Variants in NCAPH observed in about 807,000 individuals in gnomAD.
NCAPH encodes non-SMC condensin I complex subunit H, also known as condensin complex subunit 2.
In NCAPH, 38 loss-of-function variants were observed where a neutral mutation model predicts 85.5. The ratio of observed to expected loss-of-function variants is 0.44; its 90% confidence interval spans 0.34 to 0.58. The LOEUF is 0.58. Among genes scored for constraint, NCAPH ranks in the 20% least tolerant of loss-of-function variants. The pLI is 0.01. For synonymous variants in NCAPH, 301 were observed against 335.1 expected, an observed-to-expected ratio of 0.90 and a Z score of 1.11; for missense variants, 789 against 916.6, an observed-to-expected ratio of 0.86 and a Z score of 1.80.
chr2:96,336,653 C>T (rs1239932708), intron 1 of NCAPH, among the ~76,000 whole-genome samples: 3 of 152,172 alleles, frequency 2.0e-5, no homozygotes. Flanking sequence ...ACGGGAGAGA[C>T]TCAGGTGAAG....
At chr2:96,363,690 C>T (rs1392205242) in intron 12 of NCAPH, among the ~76,000 whole-genome samples, 1 of 152,140 alleles carries the variant, frequency 6.6e-6, no homozygotes, top group African/African-American at 2.4e-5. Context: ...AGCCTCATTC[C>T]ACGAGGCTCT....
At chr2:96,345,872 T>C (rs906452599) in intron 6 of NCAPH, among the ~76,000 whole-genome samples, 2 of 152,182 alleles carry the variant, frequency 1.3e-5, no homozygotes, top group African/African-American at 4.8e-5. Context: ...TTTTTTATGA[T>C]AAATGGGAGG....
intron 6 of NCAPH, among the ~76,000 whole-genome samples, chr2:96,347,491 T>G (rs1427596436): frequency 6.6e-6 from 1 of 151,996 alleles, no homozygotes; most frequent in Non-Finnish European, 1.5e-5. Flanking sequence ...AGAACACCAT[T>G]GAGAATACAT....
chr2:96,373,671 T>C lies in NCAPH; in HGVS notation c.*320T>C. The C allele has an allele frequency of 4.9e-6, 1 of 206,086 alleles. No individual in the cohort carries two copies. Among genetic ancestry groups the C allele is most frequent in the Non-Finnish European group, 9.7e-6 (1 of 103,078 alleles). 12.8% of individuals were successfully genotyped at this position (206,086 alleles called of 1,614,324 possible). ...ATATCAATGTATAGTTTTAGTCTCC[T>C]AAATTGATCTGTTATTTTCCAAACT... On this transcript the variant is annotated 3_prime_UTR_variant, in exon 18 of 18. Coordinates refer to ENST00000240423, the MANE Select transcript of NCAPH (RefSeq NM_015341.5).
intron 14 of NCAPH, among the ~76,000 whole-genome samples, chr2:96,366,598 G>A (rs539136908): frequency 6.6e-6 from 1 of 152,182 alleles, no homozygotes; most frequent in Non-Finnish European, 1.5e-5. Context: ...AGAGCTCTGG[G>A]CTGGGCGTGG....
rs149403246 is a variant in NCAPH at position 96,367,346 on chromosome 2, G to C, written c.1971G>C (p.Ala657=). The change falls in exon 15 of 18, where the codon GCG becomes GCC. Residue 657 remains alanine, a synonymous_variant. Coordinates refer to ENST00000240423, the MANE Select transcript of NCAPH (RefSeq NM_015341.5). ...AGAGCATGTGGAGTCTGCTGACAGCGCTCTCCGGAAAGGAGGCAGATGCAG... is the reference window on the plus strand; with the variant it reads ...AGAGCATGTGGAGTCTGCTGACAGCCCTCTCCGGAAAGGAGGCAGATGCAG... ...LKQSMWSLLT[A]LSGKEADAEA... The C allele has an allele frequency of 1.9e-6, 3 of 1,613,320 alleles. No individual in the cohort carries two copies. The Admixed American group carries it at 5.0e-5, about 27-fold the overall frequency.
At position 96,344,330 on chromosome 2, in the gene NCAPH, A is replaced by G. The variant is rs1284555880; in HGVS notation, c.720+101A>G. On this transcript the variant is annotated intron_variant, in intron 6 of 17. Transcript: ENST00000240423. The stretch of plus-strand genomic sequence containing the variant: ...TGCCTTGCTGGTATGTGCCTGTTTA[A>G]GCCTCAAGGGAGTAAAATATTCAAC... The G allele has an allele frequency of 7.2e-6, 10 of 1,385,834 alleles. No individual in the cohort carries two copies. The East Asian group carries it at 2.5e-4, about 34-fold the overall frequency. The allele number at this position is 1,385,834 out of a possible 1,614,324, so 85.8% of individuals were successfully genotyped here.
intron 6 of NCAPH, among the ~76,000 whole-genome samples, chr2:96,351,617 A>G (rs2064442524): frequency 6.6e-6 from 1 of 151,632 alleles, no homozygotes; most frequent in Non-Finnish European, 1.5e-5. Context: ...GCAGTGAGCC[A>G]ATATCATGCC....
chr2:96,362,444 A>G (rs1331635305), intron 12 of NCAPH, among the ~76,000 whole-genome samples: 2 of 152,188 alleles, frequency 1.3e-5, no homozygotes, highest in Non-Finnish European at 2.9e-5. Flanking sequence ...AGCCTGAGCA[A>G]CATGGCGAAA....
chr2:96,369,753 A>C (rs536800551), intron 17 of NCAPH, among the ~76,000 whole-genome samples: 15 of 152,350 alleles, frequency 9.8e-5, no homozygotes, highest in Admixed American at 7.2e-4. Flanking sequence ...TGTGATCGGT[A>C]AGTTCCCCAG....
rs2064821657 is a variant in NCAPH, at chr2:96,375,424, T to G, written c.*2073T>G. On this transcript the variant is annotated 3_prime_UTR_variant, in exon 18 of 18. Coordinates refer to ENST00000240423, the MANE Select transcript of NCAPH (RefSeq NM_015341.5). The stretch of plus-strand genomic sequence containing the variant: ...GTTATGAGGGCAGATCCCTCGTGAA[T>G]GGGATTAGTGCTCTTATAAAAGAGG... Among the ~76,000 whole-genome samples, 1 of 152,124 alleles carries G rather than the reference T, an allele frequency of 6.6e-6. No individual in the cohort carries two copies. Among genetic ancestry groups the G allele is most frequent in the African/African-American group, 2.4e-5 (1 of 41,428 alleles).
rs1393255436 is a variant in NCAPH, at chr2:96,366,049, G to A, written c.1872G>A (p.Glu624=). ...ATGGGGAGTCAAACTTGGTAGCTGA[G>A]CCTCAGAAGGTACGGATGAAACAGC... ...TTYGESNLVA[E]PQKVNKIEIH... Residue 624 remains glutamate, a synonymous_variant, in exon 14 of 18, where the codon GAG becomes GAA. Transcript: ENST00000240423. 1.2e-6 allele frequency: 2 copies of A among 1,614,186 alleles called. No homozygotes were observed. Among genetic ancestry groups the A allele is most frequent in the Non-Finnish European group, 8.5e-7 (1 of 1,180,016 alleles).
In NCAPH at chr2:96,376,837, G is replaced by GA. The variant is rs902139739; in HGVS notation, c.*3495dup. Among the ~76,000 whole-genome samples, 19 of 149,770 alleles carry GA rather than the reference G, an allele frequency of 1.3e-4. No homozygotes were observed. The highest frequency in any genetic ancestry group is 1.3e-4 in the Non-Finnish European group (9 of 67,342). ...TGGGGATCATTTATGGGTACCAAAA[G>GA]AAAAAAAAATGAATAAGATCTACTA... On this transcript the variant is annotated 3_prime_UTR_variant, in exon 18 of 18. Transcript: ENST00000240423.
At chr2:96,347,913 T>C (rs1413416888) in intron 6 of NCAPH, among the ~76,000 whole-genome samples, 1 of 151,882 alleles carries the variant, frequency 6.6e-6, no homozygotes, top group Admixed American at 6.6e-5. Flanking sequence ...TCACTGAGAA[T>C]GAGGCCTAAG....
intron 12 of NCAPH, 40 bp downstream of exon 12, chr2:96,360,750 C>A (rs767397478): frequency 3.7e-6 from 6 of 1,611,704 alleles, no homozygotes; most frequent in South Asian, 1.1e-5. Context: ...CACAAGGTAT[C>A]AAGTGGCTGA....
In NCAPH at chr2:96,373,331, C is replaced by A. The variant is rs147924412; in HGVS notation, c.2206C>A (p.Leu736Ile). Reference sequence around the variant, plus strand: ...AGGAACAGAGGACCTCTCTGATGTTCTTGTGAGGCAAGGAGATTGAGTTCA... The same window carrying A: ...AGGAACAGAGGACCTCTCTGATGTTATTGTGAGGCAAGGAGATTGAGTTCA... ...LEGTEDLSDV[L>I]VRQGD Residue 736 changes from leucine (L) to isoleucine (I), a missense_variant, in exon 18 of 18, where the codon CTT becomes ATT. Leu to Ile is a conservative substitution (Grantham distance 5). Coordinates refer to ENST00000240423, the MANE Select transcript of NCAPH (RefSeq NM_015341.5). The A allele has an allele frequency of 3.7e-5, 60 of 1,613,870 alleles. No homozygotes were observed. In the African/African-American group the frequency reaches 8.0e-4, roughly 22 times the overall value.
At chr2:96,359,733 C>G (rs1399166871) in intron 10 of NCAPH, among the ~76,000 whole-genome samples, 1 of 152,208 alleles carries the variant, frequency 6.6e-6, no homozygotes, top group Non-Finnish European at 1.5e-5. Flanking sequence ...TAAGCGTCCT[C>G]CCACCTCAGC....
chr2:96,363,453 G>C (rs986400792), intron 12 of NCAPH, among the ~76,000 whole-genome samples: 2 of 152,150 alleles, frequency 1.3e-5, no homozygotes, highest in African/African-American at 4.8e-5. Context: ...AGTATTTATT[G>C]TTTAGTAGTA....
intron 9 of NCAPH, among the ~76,000 whole-genome samples, chr2:96,358,394 C>G (rs945043648): frequency 3.3e-5 from 5 of 152,186 alleles, no homozygotes; most frequent in Admixed American, 6.5e-5. Flanking sequence ...TGGAAAGACC[C>G]CGAGGCTGGG....
Sources: allele counts gnomAD v4.1 joint callset (sites outside exome capture counted in the v4.1 genomes callset), GRCh38; gene constraint gnomAD v4.1.1; transcripts MANE v1.5; gene names NCBI Gene and HGNC (gene_info 2026-07-23, HGNC 2026-07-21).